Variants in ATXN1 observed in about 807,000 individuals in gnomAD.
ATXN1 encodes the protein ataxin 1.
A neutral mutation model predicts 56.4 loss-of-function variants in ATXN1; 8 were observed. The ratio of observed to expected loss-of-function variants is 0.14; its 90% CI spans 0.08 to 0.26. The LOEUF (loss-of-function observed/expected upper bound fraction) is 0.26, where lower values mean the gene tolerates loss of function less well. Ranked by LOEUF, ATXN1 falls within the 10% of genes least tolerant of loss-of-function variation. ATXN1 has a pLI of 1.00. For synonymous variants in ATXN1, 514 were observed against 494.6 expected, an observed-to-expected ratio of 1.04 and a Z score of -0.52; for missense variants, 987 against 1,106.5, an observed-to-expected ratio of 0.89 and a Z score of 1.53.
intron 7 of ATXN1, among the ~76,000 whole-genome samples, chr6:16,315,945 G>C (rs1261979030): frequency 6.6e-6 from 1 of 152,148 alleles, no homozygotes; most frequent in Non-Finnish European, 1.5e-5. Flanking sequence ...GCCTCCCAAA[G>C]TGCTGAGATT....
chr6:16,570,613 T>C (rs1191912473), intron 4 of ATXN1, among the ~76,000 whole-genome samples: 1 of 152,196 alleles, frequency 6.6e-6, no homozygotes, highest in East Asian at 1.9e-4. Flanking sequence ...GCTTGCTCAC[T>C]TCATTCATTC....
intron 6 of ATXN1, among the ~76,000 whole-genome samples, chr6:16,453,592 A>T (rs1045440068): frequency 2.6e-5 from 4 of 152,184 alleles, no homozygotes. Flanking sequence ...TATCATTATC[A>T]TCATCATCAT....
At chr6:16,444,041 G>C (rs986565507) in intron 6 of ATXN1, among the ~76,000 whole-genome samples, 2 of 151,834 alleles carry the variant, frequency 1.3e-5, no homozygotes, top group Non-Finnish European at 2.9e-5. Flanking sequence ...GCGTGAACCT[G>C]GGAGGTGGAG....
chr6:16,310,990 T>C (rs529877657), intron 7 of ATXN1, among the ~76,000 whole-genome samples: 1 of 152,328 alleles, frequency 6.6e-6, no homozygotes, highest in East Asian at 1.9e-4. Flanking sequence ...GGCATATTTT[T>C]AGAAGAGACA....
chr6:16,548,034 G>A (rs1264938878), intron 4 of ATXN1, among the ~76,000 whole-genome samples: 3 of 152,068 alleles, frequency 2.0e-5, no homozygotes, highest in Non-Finnish European at 2.9e-5. Context: ...TGTGAACATC[G>A]TAGAGTCTAC....
At chr6:16,563,043 T>C (rs2282832) in intron 4 of ATXN1, among the ~76,000 whole-genome samples, 45,080 of 151,472 alleles carry the variant, frequency 0.3, 8,559 homozygotes, top group East Asian at 0.64. Context: ...TCCTCTGGGA[T>C]GCGTGAGCAC....
At chr6:16,603,156 T>C (rs1280258897) in intron 3 of ATXN1, among the ~76,000 whole-genome samples, 2 of 152,176 alleles carry the variant, frequency 1.3e-5, no homozygotes, top group Non-Finnish European at 2.9e-5. Context: ...TGGGACAGCA[T>C]GATTCTTACC....
Position 16,328,344 on chromosome 6 carries a change from A to C in ATXN1, c.-34T>G. The C allele has an allele frequency of 6.7e-7, 1 of 1,489,892 alleles. No individual in the cohort carries two copies. Among genetic ancestry groups the C allele is most frequent in the Non-Finnish European group, 8.9e-7 (1 of 1,126,184 alleles). The allele number at this position is 1,489,892 out of a possible 1,614,324, so 92.3% of individuals were successfully genotyped here. ...GTCCCCCCTCCACGGTGACTGTTTC[A>C]CTGTCTGGATGGCTCTGATTTTAGT... is the stretch of plus-strand genomic sequence containing the variant. On this transcript the variant is annotated 5_prime_UTR_variant, in exon 7 of 8. An upstream open reading frame in the 5' UTR loses its in-frame stop. Coordinates refer to ENST00000436367, the MANE Select transcript of ATXN1 (RefSeq NM_001128164.2). This position sits in a 1 kb window ranked among gnomAD's most constrained non-coding sequence, Gnocchi z 6.2.
intron 6 of ATXN1, among the ~76,000 whole-genome samples, chr6:16,443,380 T>A (rs1581766028): frequency 6.6e-6 from 1 of 152,104 alleles, no homozygotes; most frequent in Non-Finnish European, 1.5e-5. Flanking sequence ...AAAATTTAAA[T>A]ATTTTTATAT....
chr6:16,656,115 T>C (rs1374589110), intron 3 of ATXN1, among the ~76,000 whole-genome samples: 1 of 151,730 alleles, frequency 6.6e-6, no homozygotes, highest in East Asian at 1.9e-4. Context: ...AAAAAATTAT[T>C]TACTGCAGAT....
At chr6:16,451,726 G>A (rs1759757173) in intron 6 of ATXN1, among the ~76,000 whole-genome samples, 1 of 151,512 alleles carries the variant, frequency 6.6e-6, no homozygotes, top group Admixed American at 6.6e-5. Flanking sequence ...TTGCTCTCCA[G>A]CGTGGGCAAC....
chr6:16,567,195 G>A (rs892003806), intron 4 of ATXN1, among the ~76,000 whole-genome samples: 2 of 152,102 alleles, frequency 1.3e-5, no homozygotes, highest in East Asian at 3.9e-4. Flanking sequence ...AATCTGGGGG[G>A]ATATGACTGC....
At chr6:16,624,064 T>C (rs1001309992) in intron 3 of ATXN1, among the ~76,000 whole-genome samples, 2 of 152,004 alleles carry the variant, frequency 1.3e-5, no homozygotes, top group African/African-American at 4.8e-5. Flanking sequence ...ATAAAAAGAG[T>C]TCTGGGTTGG....
chr6:16,695,313 C>T (rs1374183025), intron 2 of ATXN1, among the ~76,000 whole-genome samples: 2 of 152,206 alleles, frequency 1.3e-5, no homozygotes, highest in East Asian at 3.8e-4. Flanking sequence ...ATTTATCACT[C>T]TGTCTTTTAA....
intron 4 of ATXN1, among the ~76,000 whole-genome samples, chr6:16,543,711 A>G (rs996303876): frequency 4.6e-5 from 7 of 151,692 alleles, no homozygotes; most frequent in Admixed American, 2.6e-4. Context: ...GTTTTCAAGC[A>G]TTACTACTTG....
chr6:16,490,214 G>A (rs1379354534), intron 5 of ATXN1, among the ~76,000 whole-genome samples: 1 of 151,404 alleles, frequency 6.6e-6, no homozygotes, highest in Non-Finnish European at 1.5e-5. Flanking sequence ...ACTGTGTGTG[G>A]CCTCTCTACT....
rs535045883 is a variant in ATXN1, at chr6:16,510,851, T to C, written c.-299+11776A>G. On this transcript the variant is annotated intron_variant, in intron 5 of 7. Transcript: ENST00000436367. ...ACAAATGTCACCTTGGCCAACCAAATAGATCTGGGAAGATTTTGTCTTTTT... is the reference window on the plus strand; with the variant it reads ...ACAAATGTCACCTTGGCCAACCAAACAGATCTGGGAAGATTTTGTCTTTTT... Among the ~76,000 whole-genome samples the C allele has an allele frequency of 6.6e-5, 10 of 152,320 alleles. No homozygotes were observed. In the South Asian group the frequency reaches 1.4e-3, roughly 22 times the overall value.
chr6:16,511,457 G>A (rs1034607853), intron 5 of ATXN1, among the ~76,000 whole-genome samples: 1 of 152,158 alleles, frequency 6.6e-6, no homozygotes, highest in Admixed American at 6.5e-5. Context: ...ACATTTAAGG[G>A]AATAAACTTG....
intron 5 of ATXN1, among the ~76,000 whole-genome samples, chr6:16,509,432 G>A (rs1344391169): frequency 6.6e-6 from 1 of 152,190 alleles, no homozygotes; most frequent in East Asian, 1.9e-4. Context: ...TCTTGGAGGT[G>A]ACATTTGTGC....
Sources: allele counts gnomAD v4.1 joint callset (sites outside exome capture counted in the v4.1 genomes callset), GRCh38; gene constraint gnomAD v4.1.1; non-coding constraint Gnocchi (gnomAD v3.1); transcripts MANE v1.5; gene names NCBI Gene and HGNC (gene_info 2026-07-23, HGNC 2026-07-21).